Variants in PRKCE observed in about 807,000 individuals in gnomAD.
PRKCE encodes the protein protein kinase C epsilon, also known as protein kinase C epsilon type.
PRKCE carries 16 observed loss-of-function variants against 85.4 expected under a neutral mutation model. The observed-to-expected ratio is 0.19, with a 90% CI of 0.13 to 0.28. The LOEUF (loss-of-function observed/expected upper bound fraction) is 0.28. Among genes scored for constraint, PRKCE ranks in the 10% least tolerant of loss-of-function variants. The probability of loss-of-function intolerance (pLI) is 1.00; values close to 1 mark genes in which losing one functional copy is unlikely to be tolerated. For missense variants in PRKCE, 573 were observed against 975.2 expected (o/e 0.59, Z 5.49); for synonymous variants, 388 against 371.5 (o/e 1.04, Z -0.51).
intron 2 of PRKCE, among the ~76,000 whole-genome samples, chr2:45,939,835 G>A (rs930416786): frequency 6.6e-6 from 1 of 152,228 alleles, no homozygotes; most frequent in African/African-American, 2.4e-5. Context: ...TTACAGGCGT[G>A]AGCCACCATG....
At chr2:46,128,861 A>C (rs1674128334) in intron 11 of PRKCE, among the ~76,000 whole-genome samples, 1 of 152,146 alleles carries the variant, frequency 6.6e-6, no homozygotes, top group African/African-American at 2.4e-5. Flanking sequence ...GGCAGTCAGT[A>C]TTTCTGGTCC....
At chr2:45,863,529 G>A (rs1028979272) in intron 2 of PRKCE, among the ~76,000 whole-genome samples, 2 of 151,984 alleles carry the variant, frequency 1.3e-5, no homozygotes, top group African/African-American at 4.8e-5. Flanking sequence ...TTGTTTGTTA[G>A]GTGCTCACGG....
chr2:45,725,834 A>AAC (rs2104503771), intron 1 of PRKCE, among the ~76,000 whole-genome samples: 2 of 152,124 alleles, frequency 1.3e-5, no homozygotes, highest in South Asian at 4.2e-4. Context: ...CATCTCAAAA[A>AAC]AAAAACAAAA....
Position 45,903,888 on chromosome 2 carries a change from TTTG to T in PRKCE, c.412+60828_412+60830del, listed in dbSNP as rs60484206. On this transcript the variant is annotated intron_variant, in intron 2 of 14. Transcript: ENST00000306156. The stretch of plus-strand genomic sequence containing the variant: ...AGAGCTTGTAGCCTGGCAGTTTTTT[TTTG>T]TTTGTTTGTTTGTTTGTTTGTTTGT... Among the ~76,000 whole-genome samples, 129 of 65,076 alleles carry T rather than the reference TTTG, an allele frequency of 2.0e-3. 4 individuals are homozygous for T. The East Asian group carries it at 0.064, about 32-fold the overall frequency. The allele number at this position is 65,076 out of a possible 152,430, so 42.7% of individuals were successfully genotyped here.
chr2:46,095,081 C>G (rs970912416), intron 11 of PRKCE, among the ~76,000 whole-genome samples: 3 of 152,206 alleles, frequency 2.0e-5, no homozygotes, highest in African/African-American at 7.2e-5. Context: ...AAATGTATTA[C>G]TTATTTCTTT....
chr2:45,715,330 C>T (rs1679998421), intron 1 of PRKCE, among the ~76,000 whole-genome samples: 2 of 152,240 alleles, frequency 1.3e-5, no homozygotes, highest in South Asian at 4.1e-4. Flanking sequence ...GAGGAAGCTT[C>T]TTGTCTCCTT....
rs530351701 is a variant in PRKCE, at chr2:45,748,503, C to A, written c.349-94497C>A. ...TGCCTGGCAAGCAGGCCGCTGCCAGCATCCCTGACTCTGCAAAATGTGATC... is the reference window on the plus strand; with the variant it reads ...TGCCTGGCAAGCAGGCCGCTGCCAGAATCCCTGACTCTGCAAAATGTGATC... On this transcript the variant is annotated intron_variant, in intron 1 of 14. Transcript: ENST00000306156. Among the ~76,000 whole-genome samples, 53 of 152,246 alleles carry A rather than the reference C, an allele frequency of 3.5e-4. 1 individual carries two copies. Among genetic ancestry groups the A allele is most frequent in the Non-Finnish European group, 6.8e-4 (46 of 68,040 alleles).
chr2:45,928,912 G>GC (rs1328819201), intron 2 of PRKCE, among the ~76,000 whole-genome samples: 2 of 152,176 alleles, frequency 1.3e-5, no homozygotes, highest in Non-Finnish European at 2.9e-5. Flanking sequence ...GAGTCTGGGG[G>GC]CCCCTCTGTC....
intron 11 of PRKCE, among the ~76,000 whole-genome samples, chr2:46,108,055 G>A (rs974167848): frequency 1.3e-5 from 2 of 152,204 alleles, no homozygotes; most frequent in African/African-American, 4.8e-5. Context: ...AGTCACCCAA[G>A]TAGCTGGGGC....
At chr2:45,906,321 A>G (rs1696970850) in intron 2 of PRKCE, among the ~76,000 whole-genome samples, 1 of 152,228 alleles carries the variant, frequency 6.6e-6, no homozygotes, top group Non-Finnish European at 1.5e-5. Flanking sequence ...AGGTGCAGAG[A>G]ACAGGTTTCT....
intron 1 of PRKCE, among the ~76,000 whole-genome samples, chr2:45,838,518 G>A (rs898969547): frequency 1.3e-5 from 2 of 152,286 alleles, no homozygotes; most frequent in Non-Finnish European, 1.5e-5. Flanking sequence ...TCCTCCCGAT[G>A]CCCCCGAATA....
At chr2:46,149,154 A>G (rs1676362213) in intron 12 of PRKCE, among the ~76,000 whole-genome samples, 1 of 152,212 alleles carries the variant, frequency 6.6e-6, no homozygotes, top group African/African-American at 2.4e-5. Flanking sequence ...GGGTATTTTG[A>G]GCAGACCACA....
intron 1 of PRKCE, among the ~76,000 whole-genome samples, chr2:45,788,832 C>T (rs780854301): frequency 6.6e-6 from 1 of 152,180 alleles, no homozygotes; most frequent in African/African-American, 2.4e-5. Flanking sequence ...AGATACATTT[C>T]CTGATTCTTT....
At chr2:45,725,154 A>C (rs1047557319) in intron 1 of PRKCE, among the ~76,000 whole-genome samples, 2 of 152,220 alleles carry the variant, frequency 1.3e-5, no homozygotes, top group East Asian at 1.9e-4. Flanking sequence ...TTACATTCTT[A>C]AGAATTATGC....
At chr2:45,866,377 AGCTCACTGCAAGCTCCC>A in intron 2 of PRKCE, among the ~76,000 whole-genome samples, 1 of 152,278 alleles carries the variant, frequency 6.6e-6, no homozygotes, top group African/African-American at 2.4e-5. Context: ...GCACGATCTC[AGCTCACTGCAAGCTCCC>A]GCTCCTGGGT....
chr2:45,656,023 C>G (rs1356563268), intron 1 of PRKCE, among the ~76,000 whole-genome samples: 1 of 152,130 alleles, frequency 6.6e-6, no homozygotes, highest in African/African-American at 2.4e-5. Context: ...ATCCTGTAGT[C>G]AGGGTTGGAG....
intron 1 of PRKCE, among the ~76,000 whole-genome samples, chr2:45,723,259 C>T (rs1305263020): frequency 6.6e-6 from 1 of 152,156 alleles, no homozygotes; most frequent in African/African-American, 2.4e-5. Flanking sequence ...TAGAAAATGC[C>T]GTGACTCCTC....
intron 2 of PRKCE, among the ~76,000 whole-genome samples, chr2:45,864,245 T>C (rs2105686895): frequency 6.6e-6 from 1 of 152,274 alleles, no homozygotes; most frequent in Admixed American, 6.5e-5. Flanking sequence ...TGATATTGCA[T>C]GCAAAATTTT....
chr2:46,135,773 T>TTTTTTA (rs1489261334), intron 11 of PRKCE, among the ~76,000 whole-genome samples: 1 of 122,726 alleles, frequency 8.1e-6, no homozygotes, highest in African/African-American at 3.3e-5. Context: ...TTTTTTTTTT[T>TTTTTTA]AATGTAGGGG....
Sources: allele counts gnomAD v4.1 joint callset (sites outside exome capture counted in the v4.1 genomes callset), GRCh38; gene constraint gnomAD v4.1.1; transcripts MANE v1.5; gene names NCBI Gene and HGNC (gene_info 2026-07-23, HGNC 2026-07-21).